The following TBC1D5 variants were observed in gnomAD, a reference collection of about 807,000 sequenced individuals.
TBC1D5 encodes TBC1 domain family, member 5.
TBC1D5 carries 75 observed loss-of-function variants against 100.3 expected under a neutral mutation model. That is an observed-to-expected ratio of 0.75 (90% CI 0.62 to 0.91). The LOEUF is 0.91. Among genes scored for constraint, TBC1D5 ranks in the 40% least tolerant of loss-of-function variants. TBC1D5 has a pLI of 0.00. For synonymous variants in TBC1D5, 323 were observed against 325.6 expected, an observed-to-expected ratio of 0.99 and a Z score of 0.09; for missense variants, 910 against 942.4, an observed-to-expected ratio of 0.97 and a Z score of 0.45.
At chr3:17,362,300 T>A (rs1171406327) in intron 13 of TBC1D5, among the ~76,000 whole-genome samples, 1 of 152,156 alleles carries the variant, frequency 6.6e-6, no homozygotes, top group African/African-American at 2.4e-5. Flanking sequence ...AAATTAAGTG[T>A]TTGCTCTATG....
chr3:17,250,687 A>G (rs984423289), intron 16 of TBC1D5, among the ~76,000 whole-genome samples: 2 of 152,226 alleles, frequency 1.3e-5, no homozygotes, highest in Non-Finnish European at 2.9e-5. Context: ...GTCTGTTCAA[A>G]TAGCATCTTT....
At chr3:17,434,150 T>C (rs1447351461) in intron 3 of TBC1D5, among the ~76,000 whole-genome samples, 1 of 152,110 alleles carries the variant, frequency 6.6e-6, no homozygotes, top group Non-Finnish European at 1.5e-5. Flanking sequence ...AATTTACCAT[T>C]CTAGGGTCTG....
At chr3:17,160,446 T>C (rs537421191) in exon 22 of TBC1D5, 48 of 154,758 alleles carry the variant, frequency 3.1e-4, no homozygotes, top group African/African-American at 9.9e-4. Context: ...AGCTCTGCGA[T>C]ATGGCTTCCC....
chr3:17,558,177 T>A (rs2096534545), intron 2 of TBC1D5, among the ~76,000 whole-genome samples: 1 of 152,200 alleles, frequency 6.6e-6, no homozygotes, highest in Admixed American at 6.5e-5. Context: ...TAATCCTTAA[T>A]AAAATCACAA....
intron 17 of TBC1D5, among the ~76,000 whole-genome samples, chr3:17,232,318 T>C (rs566692789): frequency 1.3e-5 from 2 of 152,312 alleles, no homozygotes; most frequent in African/African-American, 4.8e-5. Context: ...AGATCTACTC[T>C]GTAGCAATTA....
At chr3:17,417,310 TAG>T (rs2094104525) in intron 4 of TBC1D5, among the ~76,000 whole-genome samples, 1 of 151,800 alleles carries the variant, frequency 6.6e-6, no homozygotes, top group Non-Finnish European at 1.5e-5. Flanking sequence ...CATTTAGCAT[TAG>T]GTATATCTCC....
At chr3:17,675,545 C>A (rs2068517849) in intron 1 of TBC1D5, among the ~76,000 whole-genome samples, 1 of 152,086 alleles carries the variant, frequency 6.6e-6, no homozygotes, top group South Asian at 2.1e-4. Flanking sequence ...GTACTCAATA[C>A]CTATTTGCTG....
upstream of TBC1D5, among the ~76,000 whole-genome samples, chr3:17,741,214 A>G (rs1366811729): frequency 2.0e-5 from 3 of 152,250 alleles, no homozygotes; most frequent in Admixed American, 6.5e-5. Context: ...CAGAAAATGC[A>G]TTTTTAATAA....
intron 3 of TBC1D5, among the ~76,000 whole-genome samples, chr3:17,488,739 G>A (rs929168334): frequency 1.2e-4 from 18 of 152,052 alleles, no homozygotes; most frequent in Non-Finnish European, 1.9e-4. Context: ...ATGATGTTGA[G>A]TATTTTTACC....
At chr3:17,263,366 CAAAAAA>C (rs71049192) in intron 15 of TBC1D5, among the ~76,000 whole-genome samples, 2 of 80,994 alleles carry the variant, frequency 2.5e-5, no homozygotes, top group Admixed American at 1.5e-4. Flanking sequence ...ACCCTGTCTC[CAAAAAA>C]AAAAAAAAAA....
intron 2 of TBC1D5, among the ~76,000 whole-genome samples, chr3:17,614,608 T>C (rs1474922155): frequency 6.6e-6 from 1 of 152,192 alleles, no homozygotes; most frequent in Non-Finnish European, 1.5e-5. Context: ...TTCACATCCC[T>C]TGTAAGTTGG....
At chr3:17,517,120 AC>A (rs2096000376) in intron 2 of TBC1D5, among the ~76,000 whole-genome samples, 1 of 152,084 alleles carries the variant, frequency 6.6e-6, no homozygotes, top group Non-Finnish European at 1.5e-5. Context: ...ACAAACAACC[AC>A]CTTGATCTAG....
At chr3:17,311,699 G>A (rs9880199) in intron 13 of TBC1D5, among the ~76,000 whole-genome samples, 1,764 of 152,054 alleles carry the variant, frequency 0.012, 34 homozygotes, top group African/African-American at 0.04. Context: ...CTTCATTTCC[G>A]TATTCTTTTC....
chr3:17,603,041 TA>T (rs1336443157), intron 2 of TBC1D5, among the ~76,000 whole-genome samples: 2 of 152,036 alleles, frequency 1.3e-5, no homozygotes, highest in Non-Finnish European at 2.9e-5. Flanking sequence ...ATACTAACAT[TA>T]AATAATAGCA....
chr3:17,522,442 G>A (rs2096073409), intron 2 of TBC1D5, among the ~76,000 whole-genome samples: 1 of 152,052 alleles, frequency 6.6e-6, no homozygotes, highest in Non-Finnish European at 1.5e-5. Context: ...ATACAGGAGA[G>A]GAGCTAATTA....
chr3:17,305,419 T>C (rs1282009326), intron 14 of TBC1D5, among the ~76,000 whole-genome samples: 1 of 152,180 alleles, frequency 6.6e-6, no homozygotes, highest in East Asian at 1.9e-4. Flanking sequence ...AAATAATTAC[T>C]ATTCTGGGAT....
intron 1 of TBC1D5, chr3:17,646,834 A>C (rs558466241): frequency 1.3e-5 from 2 of 152,112 alleles, no homozygotes; most frequent in South Asian, 2.1e-4. Context: ...CTTCTAGTGC[A>C]CCCATCACCC....
Position 17,716,448 on chromosome 3 carries a change from G to GAA in TBC1D5, c.-101+22893_-101+22894dup, listed in dbSNP as rs34983821. 1.1e-4 allele frequency among the ~76,000 whole-genome samples: 16 copies of GAA among 149,602 alleles called. No individual in the cohort carries two copies. In the East Asian group the frequency reaches 1.8e-3, roughly 16 times the overall value. On this transcript the variant is annotated intron_variant, in intron 1 of 21. Transcript: ENST00000253692. ...GCAGGCCAAGACAGCTGTTCAGAGG[G>GAA]AAAAAAAAAATTAAAGACCTCCTGT...
At chr3:17,219,274 A>G (rs952706409) in intron 17 of TBC1D5, among the ~76,000 whole-genome samples, 1 of 150,764 alleles carries the variant, frequency 6.6e-6, no homozygotes. Flanking sequence ...TAAAGCCCCT[A>G]TTTTTTTTAC....
Sources: allele counts gnomAD v4.1 joint callset (sites outside exome capture counted in the v4.1 genomes callset), GRCh38; gene constraint gnomAD v4.1.1; transcripts MANE v1.5; gene names NCBI Gene and HGNC (gene_info 2026-07-23, HGNC 2026-07-21).